XKR6: variants seen among roughly 807,000 people sequenced by gnomAD.
XKR6 encodes XK related 6, also known as XK-related protein 6.
Under a neutral mutation model 56.7 loss-of-function variants are expected in XKR6, and 22 were observed. The observed-to-expected ratio is 0.39, with a 90% CI of 0.28 to 0.55. The LOEUF is 0.55. Among genes scored for constraint, XKR6 ranks in the 20% least tolerant of loss-of-function variants. The pLI is 0.66. For synonymous variants in XKR6, 524 were observed against 387.8 expected, an observed-to-expected ratio of 1.35 and a Z score of -4.13; for missense variants, 852 against 889.0, an observed-to-expected ratio of 0.96 and a Z score of 0.53.
intron 1 of XKR6, among the ~76,000 whole-genome samples, chr8:11,084,347 G>A (rs1205866347): frequency 4.6e-5 from 7 of 152,158 alleles, no homozygotes; most frequent in African/African-American, 4.8e-5. Flanking sequence ...ACTTTCCAGG[G>A]CACAAATAGA....
chr8:10,941,867 T>C (rs1438532598), intron 1 of XKR6, among the ~76,000 whole-genome samples: 1 of 152,168 alleles, frequency 6.6e-6, no homozygotes, highest in Middle Eastern at 3.2e-3. Flanking sequence ...CAGCAGCACA[T>C]AGAACCCCAA....
intron 1 of XKR6, among the ~76,000 whole-genome samples, chr8:11,175,943 A>C (rs1802634833): frequency 6.6e-6 from 1 of 152,208 alleles, no homozygotes; most frequent in Admixed American, 6.5e-5. Flanking sequence ...CAAAAGAAAA[A>C]CAGGGAAATG....
At chr8:11,027,461 A>T (rs1339741580) in intron 1 of XKR6, among the ~76,000 whole-genome samples, 1 of 152,204 alleles carries the variant, frequency 6.6e-6, no homozygotes, top group African/African-American at 2.4e-5. Flanking sequence ...CTATTGGCCA[A>T]TGCAGATCTA....
chr8:11,141,220 G>A (rs1431138153), intron 1 of XKR6, among the ~76,000 whole-genome samples: 2 of 152,118 alleles, frequency 1.3e-5, no homozygotes, highest in Non-Finnish European at 2.9e-5. Flanking sequence ...GTGTATTGTG[G>A]GACAAAGCAA....
chr8:11,178,591 ACAC>A (rs1802798692), intron 1 of XKR6, among the ~76,000 whole-genome samples: 1 of 125,260 alleles, frequency 8.0e-6, no homozygotes, highest in Non-Finnish European at 1.7e-5. Flanking sequence ...TATATGTACT[ACAC>A]ACACACACAA....
At chr8:10,912,817 T>C (rs1800443184) in intron 2 of XKR6, among the ~76,000 whole-genome samples, 1 of 144,594 alleles carries the variant, frequency 6.9e-6, no homozygotes. Flanking sequence ...GAGGCGAGTA[T>C]ATATACATAT....
intron 1 of XKR6, among the ~76,000 whole-genome samples, chr8:10,926,731 C>T (rs370182711): frequency 6.6e-6 from 1 of 152,168 alleles, no homozygotes; most frequent in African/African-American, 2.4e-5. Flanking sequence ...AATAAACCAC[C>T]AAATTCTGGT....
In XKR6 at chr8:10,984,701, T is replaced by G. The variant is rs1361102185; in HGVS notation, c.765-59871A>C. 9.1e-4 allele frequency among the ~76,000 whole-genome samples: 56 copies of G among 61,556 alleles called. 2 individuals carry two copies. Among genetic ancestry groups the G allele is most frequent in the Non-Finnish European group, 1.5e-3 (46 of 29,998 alleles). 40.4% of individuals were successfully genotyped at this position (61,556 alleles called of 152,430 possible). ...ACAAAAGATAAAATACATGGCTCTC[T>G]CTCTCTCTCTCTCTCTCTCTCTCTC... On this transcript the variant is annotated intron_variant, in intron 1 of 2. Coordinates refer to ENST00000416569, the MANE Select transcript of XKR6 (RefSeq NM_173683.4).
intron 1 of XKR6, among the ~76,000 whole-genome samples, chr8:11,102,228 A>G (rs940383800): frequency 6.6e-6 from 1 of 152,142 alleles, no homozygotes; most frequent in Non-Finnish European, 1.5e-5. Flanking sequence ...ATCCCAGCCC[A>G]GCATCCCGAG....
intron 1 of XKR6, among the ~76,000 whole-genome samples, chr8:10,950,696 G>T (rs776722108): frequency 6.6e-6 from 1 of 152,154 alleles, no homozygotes; most frequent in African/African-American, 2.4e-5. Flanking sequence ...AACACATTCC[G>T]AAAAGAACTT....
intron 1 of XKR6, among the ~76,000 whole-genome samples, chr8:11,158,824 A>G (rs1408951785): frequency 1.3e-5 from 2 of 152,204 alleles, no homozygotes; most frequent in African/African-American, 4.8e-5. Context: ...ATGCAAAAAT[A>G]TAGGCAGAGA....
At chr8:11,193,999 T>C (rs1803728102) in intron 1 of XKR6, among the ~76,000 whole-genome samples, 1 of 152,162 alleles carries the variant, frequency 6.6e-6, no homozygotes, top group South Asian at 2.1e-4. Context: ...ACTAATGAGA[T>C]CTCCAAAATG....
intron 1 of XKR6, among the ~76,000 whole-genome samples, chr8:11,049,982 A>G (rs1033294809): frequency 6.6e-6 from 1 of 152,090 alleles, no homozygotes; most frequent in African/African-American, 2.4e-5. Context: ...GCCCCTCGTG[A>G]GGAAATCATA....
intron 1 of XKR6, among the ~76,000 whole-genome samples, chr8:11,009,662 G>T (rs1203147184): frequency 6.6e-6 from 1 of 152,174 alleles, no homozygotes; most frequent in Non-Finnish European, 1.5e-5. Flanking sequence ...TCAAAAACAA[G>T]AAAAGTCTGA....
intron 1 of XKR6, among the ~76,000 whole-genome samples, chr8:11,126,838 C>A (rs886089746): frequency 2.0e-5 from 3 of 152,162 alleles, no homozygotes; most frequent in African/African-American, 7.2e-5. Flanking sequence ...GCCCCTCCCA[C>A]AAGCCCCACA....
At chr8:11,046,985 G>A (rs1431600686) in intron 1 of XKR6, among the ~76,000 whole-genome samples, 1 of 152,134 alleles carries the variant, frequency 6.6e-6, no homozygotes, top group Non-Finnish European at 1.5e-5. Flanking sequence ...TGAGTGCCAG[G>A]GGCTGGGGAG....
intron 1 of XKR6, among the ~76,000 whole-genome samples, chr8:11,134,201 C>T (rs1000730694): frequency 2.0e-5 from 3 of 152,136 alleles, no homozygotes; most frequent in Non-Finnish European, 4.4e-5. Context: ...CTCTATGTCC[C>T]CAAACAACCC....
intron 1 of XKR6, among the ~76,000 whole-genome samples, chr8:11,082,051 T>C (rs758805698): frequency 2.6e-5 from 4 of 152,190 alleles, no homozygotes; most frequent in African/African-American, 4.8e-5. Context: ...GAGCTAGCAG[T>C]CAGACCAGGC....
chr8:11,067,493 T>G (rs1365861979), intron 1 of XKR6, among the ~76,000 whole-genome samples: 1 of 152,254 alleles, frequency 6.6e-6, no homozygotes, highest in African/African-American at 2.4e-5. Context: ...TCTAAATTAG[T>G]AAAATATTTT....
Sources: gnomAD v4.1 joint callset for allele counts (sites outside exome capture counted in the v4.1 genomes callset) on GRCh38, gnomAD v4.1.1 for gene constraint, MANE v1.5 for transcripts, NCBI Gene and HGNC (gene_info 2026-07-23, HGNC 2026-07-21) for gene names.